The following PDE4B variants were observed in gnomAD, a reference collection of about 807,000 sequenced individuals.
PDE4B encodes 3',5'-cyclic-AMP phosphodiesterase 4B.
In PDE4B, 20 loss-of-function variants were observed where a neutral mutation model predicts 82.2. That is an observed-to-expected ratio of 0.24 (90% CI 0.17 to 0.35). The LOEUF (loss-of-function observed/expected upper bound fraction) is 0.35. Ranked by LOEUF, PDE4B falls within the 10% of genes least tolerant of loss-of-function variation. The pLI is 1.00. For missense variants in PDE4B, 655 were observed against 907.2 expected, an observed-to-expected ratio of 0.72 and a Z score of 3.57; for synonymous variants, 320 against 318.9, an observed-to-expected ratio of 1.00 and a Z score of -0.04.
At chr1:66,084,281 C>T (rs991510747) in intron 3 of PDE4B, among the ~76,000 whole-genome samples, 3 of 152,056 alleles carry the variant, frequency 2.0e-5, no homozygotes, top group African/African-American at 7.2e-5. Context: ...AAAACAGGAG[C>T]CTTCTCTCTT....
chr1:66,248,995 G>A (rs558063812), intron 4 of PDE4B, among the ~76,000 whole-genome samples: 50 of 152,280 alleles, frequency 3.3e-4, no homozygotes, highest in East Asian at 1.2e-3. Flanking sequence ...GTCCCATGAT[G>A]TGGCTAAGCC....
At chr1:66,041,835 C>CAG (rs1654403771) in intron 3 of PDE4B, among the ~76,000 whole-genome samples, 1 of 150,592 alleles carries the variant, frequency 6.6e-6, no homozygotes, top group South Asian at 2.1e-4. Flanking sequence ...CACATACACA[C>CAG]ACACACACAC....
At chr1:66,341,535 G>A (rs1296785728) in intron 8 of PDE4B, among the ~76,000 whole-genome samples, 2 of 152,114 alleles carry the variant, frequency 1.3e-5, no homozygotes, top group Non-Finnish European at 2.9e-5. Context: ...TACTTTAAAT[G>A]CCCCTGGTTT....
chr1:66,263,205 G>A (rs1261139865), intron 6 of PDE4B, among the ~76,000 whole-genome samples: 2 of 152,190 alleles, frequency 1.3e-5, no homozygotes, highest in African/African-American at 4.8e-5. Flanking sequence ...GCAATGCAGT[G>A]GTTCAGTAAG....
chr1:66,181,068 G>A (rs1647054192), intron 3 of PDE4B, among the ~76,000 whole-genome samples: 1 of 152,132 alleles, frequency 6.6e-6, no homozygotes, highest in East Asian at 1.9e-4. Context: ...AGGCCTCAAT[G>A]CCCATATCAA....
At chr1:66,156,308 C>T (rs1004514152) in intron 3 of PDE4B, among the ~76,000 whole-genome samples, 1 of 152,032 alleles carries the variant, frequency 6.6e-6, no homozygotes, top group Admixed American at 6.6e-5. Flanking sequence ...TTATAAGTTG[C>T]ACACAAACAA....
At chr1:65,824,918 G>A (rs1645997273) in intron 1 of PDE4B, among the ~76,000 whole-genome samples, 1 of 152,074 alleles carries the variant, frequency 6.6e-6, no homozygotes. Context: ...TGGTTCATTT[G>A]GGTGATAACA....
chr1:65,859,602 G>A (rs897995156), intron 1 of PDE4B, among the ~76,000 whole-genome samples: 1 of 152,012 alleles, frequency 6.6e-6, no homozygotes, highest in Non-Finnish European at 1.5e-5. Flanking sequence ...ACGATTGGTC[G>A]TCAAAAGCGA....
At chr1:66,351,585 T>C (rs2101990776) in intron 8 of PDE4B, among the ~76,000 whole-genome samples, 1 of 152,312 alleles carries the variant, frequency 6.6e-6, no homozygotes, top group South Asian at 2.1e-4. Context: ...GGGAGTTTTG[T>C]TTTCTGGGAA....
intron 3 of PDE4B, among the ~76,000 whole-genome samples, chr1:66,005,372 C>A (rs1368409105): frequency 6.6e-6 from 1 of 152,072 alleles, no homozygotes; most frequent in Non-Finnish European, 1.5e-5. Context: ...TTTATTCAGA[C>A]AACTTTACAG....
intron 3 of PDE4B, among the ~76,000 whole-genome samples, chr1:66,118,716 TA>T (rs558666030): frequency 1.3e-4 from 20 of 151,274 alleles, no homozygotes; most frequent in African/African-American, 3.6e-4. Context: ...AAAATATAAT[TA>T]AAAAAAAACC....
intron 8 of PDE4B, among the ~76,000 whole-genome samples, chr1:66,349,420 T>G (rs2101983860): frequency 6.6e-6 from 1 of 152,312 alleles, no homozygotes; most frequent in Non-Finnish European, 1.5e-5. Context: ...GAAGAGTTTC[T>G]TTCTGATTTG....
chr1:65,913,488 G>C, intron 2 of PDE4B, 132 bp downstream of exon 2: 1 of 782,872 alleles, frequency 1.3e-6, no homozygotes, highest in Non-Finnish European at 2.2e-6. Flanking sequence ...CATGGGCACA[G>C]CCAGCACCTG....
intron 3 of PDE4B, among the ~76,000 whole-genome samples, chr1:66,227,136 A>ATTCTG (rs1483076640): frequency 6.6e-6 from 1 of 152,202 alleles, no homozygotes; most frequent in African/African-American, 2.4e-5. Flanking sequence ...AAAAGAAATA[A>ATTCTG]TTCTGTTTCG....
At chr1:66,357,604 T>C (rs2102013085) in intron 9 of PDE4B, among the ~76,000 whole-genome samples, 1 of 152,056 alleles carries the variant, frequency 6.6e-6, no homozygotes, top group East Asian at 1.9e-4. Context: ...GGAAGGTTAT[T>C]AGAATCTCAA....
chr1:65,883,884 C>T (rs964378886), intron 1 of PDE4B, among the ~76,000 whole-genome samples: 1 of 152,126 alleles, frequency 6.6e-6, no homozygotes, highest in Non-Finnish European at 1.5e-5. Context: ...TGAATTTTGT[C>T]AAAGGCCTTT....
At chr1:66,272,101 C>A (rs1481464252) in intron 7 of PDE4B, among the ~76,000 whole-genome samples, 1 of 152,206 alleles carries the variant, frequency 6.6e-6, no homozygotes, top group African/African-American at 2.4e-5. Flanking sequence ...AGGCTGTCCA[C>A]GTGCCTGTGT....
rs968272567 is a variant in PDE4B, at chr1:66,107,429, G to A, written c.282-140031G>A. Reference sequence around the variant, plus strand: ...TCCTGTATTTATTAAAAATTATCATGTATTCTGAGCTTAAAAATTGTTTTG... The same window carrying A: ...TCCTGTATTTATTAAAAATTATCATATATTCTGAGCTTAAAAATTGTTTTG... On this transcript the variant is annotated intron_variant, in intron 3 of 16. Transcript: ENST00000341517. Among the ~76,000 whole-genome samples the A allele has an allele frequency of 3.3e-5, 5 of 151,698 alleles. No homozygotes were observed. The South Asian group carries it at 1.0e-3, about 31-fold the overall frequency.
chr1:65,893,296 C>CA (rs1187138399), intron 1 of PDE4B, among the ~76,000 whole-genome samples: 2 of 151,854 alleles, frequency 1.3e-5, no homozygotes, highest in African/African-American at 4.8e-5. Context: ...TAAGAAAAAA[C>CA]AGAGTTGGTG....
Sources: allele counts gnomAD v4.1 joint callset (sites outside exome capture counted in the v4.1 genomes callset), GRCh38; gene constraint gnomAD v4.1.1; transcripts MANE v1.5; gene names NCBI Gene and HGNC (gene_info 2026-07-23, HGNC 2026-07-21).